Variants in ADAMTS2 observed in about 807,000 individuals in gnomAD.
ADAMTS2 encodes the protein ADAM metallopeptidase with thrombospondin type 1 motif 2, also known as A disintegrin and metalloproteinase with thrombospondin motifs 2.
Under a neutral mutation model 123.0 loss-of-function variants are expected in ADAMTS2, and 50 were observed. The ratio of observed to expected loss-of-function variants is 0.41; its 90% CI spans 0.32 to 0.51. The LOEUF is 0.51. Ranked by LOEUF, ADAMTS2 falls within the 20% of genes least tolerant of loss-of-function variation. ADAMTS2 has a pLI of 0.35. For synonymous variants in ADAMTS2, 678 were observed against 695.4 expected (o/e 0.98, Z 0.39); for missense variants, 1,494 against 1,705.2 (o/e 0.88, Z 2.18).
chr5:179,266,220 G>A (rs1186493801), intron 3 of ADAMTS2, among the ~76,000 whole-genome samples: 1 of 152,202 alleles, frequency 6.6e-6, no homozygotes, highest in Non-Finnish European at 1.5e-5. Flanking sequence ...GCTGAATCAT[G>A]ACCCCCGGAC....
At chr5:179,281,015 A>G (rs957287674) in intron 2 of ADAMTS2, among the ~76,000 whole-genome samples, 1 of 152,076 alleles carries the variant, frequency 6.6e-6, no homozygotes, top group Non-Finnish European at 1.5e-5. Flanking sequence ...ACACCACCAC[A>G]TCCAGCTAAT....
chr5:179,288,136 G>A (rs2113539161), intron 2 of ADAMTS2, among the ~76,000 whole-genome samples: 1 of 152,274 alleles, frequency 6.6e-6, no homozygotes, highest in Non-Finnish European at 1.5e-5. Context: ...GGGTCCCTGG[G>A]CCACAGGCCC....
intron 3 of ADAMTS2, among the ~76,000 whole-genome samples, chr5:179,263,115 G>C: frequency 1.5e-5 from 1 of 65,050 alleles, no homozygotes; most frequent in Admixed American, 1.5e-4. Context: ...CCATGATTTG[G>C]GGAGCAGCAT....
intron 2 of ADAMTS2, among the ~76,000 whole-genome samples, chr5:179,276,094 C>T (rs1329209620): frequency 6.6e-6 from 1 of 152,124 alleles, no homozygotes; most frequent in Non-Finnish European, 1.5e-5. Context: ...GCTTCTGACT[C>T]ATCCCTGGGT....
In ADAMTS2 at chr5:179,234,398, C is replaced by T. The variant is rs1364498279; in HGVS notation, c.689-26683G>A. On this transcript the variant is annotated intron_variant, in intron 3 of 21. Coordinates refer to ENST00000251582, the MANE Select transcript of ADAMTS2 (RefSeq NM_014244.5). This position sits in a 1 kb window ranked among gnomAD's most constrained non-coding sequence, Gnocchi z 4.7. ...GGCCCAGTCCACCGTGCCCTGGACG[C>T]TGCTCATCCACTAGGACTGGGCTTC... 6.6e-6 allele frequency among the ~76,000 whole-genome samples: 1 copy of T among 152,134 alleles called. No individual in the cohort carries two copies. Among genetic ancestry groups the T allele is most frequent in the Non-Finnish European group, 1.5e-5 (1 of 68,016 alleles).
At position 179,260,984 on chromosome 5, in the gene ADAMTS2, G is replaced by A. The variant is rs962896315; in HGVS notation, c.688+11927C>T. The stretch of plus-strand genomic sequence containing the variant: ...TCGGTGAATGGGCATGTCCTTGAAC[G>A]CAAACTTGGCTCCAACGGGGCAGGA... On this transcript the variant is annotated intron_variant, in intron 3 of 21. Transcript: ENST00000251582. This position sits in a 1 kb window ranked among gnomAD's most constrained non-coding sequence, Gnocchi z 4.2. Among the ~76,000 whole-genome samples the A allele has an allele frequency of 2.0e-5, 3 of 152,228 alleles. No individual in the cohort carries two copies. Among genetic ancestry groups the A allele is most frequent in the Middle Eastern group, 3.4e-3 (1 of 294 alleles).
Position 179,279,084 on chromosome 5 carries a change from T to G in ADAMTS2, c.535-6020A>C, listed in dbSNP as rs947005440. Among the ~76,000 whole-genome samples the G allele has an allele frequency of 1.4e-4, 22 of 152,038 alleles. 1 individual carries two copies. The highest frequency in any genetic ancestry group is 3.9e-4 in the Admixed American group (6 of 15,246). On this transcript the variant is annotated intron_variant, in intron 2 of 21. Coordinates refer to ENST00000251582, the MANE Select transcript of ADAMTS2 (RefSeq NM_014244.5). Reference sequence around the variant, plus strand: ...CAGGCTGGCTGGTTCCCACTGCCCCTTCCCATGGAAGCCACAGCTGCAGCC... The same window carrying G: ...CAGGCTGGCTGGTTCCCACTGCCCCGTCCCATGGAAGCCACAGCTGCAGCC...
At chr5:179,319,271 C>T (rs962582659) in intron 2 of ADAMTS2, among the ~76,000 whole-genome samples, 4 of 152,332 alleles carry the variant, frequency 2.6e-5, no homozygotes, top group South Asian at 2.1e-4. Flanking sequence ...ATGTGCACTA[C>T]ACACAAGTAC....
At position 179,188,486 on chromosome 5, in the gene ADAMTS2, C is replaced by T. The variant is rs2113329379; in HGVS notation, c.892-7331G>A. Among the ~76,000 whole-genome samples, 1 of 152,290 alleles carries T rather than the reference C, an allele frequency of 6.6e-6. No individual in the cohort carries two copies. The highest frequency in any genetic ancestry group is 1.9e-4 in the East Asian group (1 of 5,174). On this transcript the variant is annotated intron_variant, in intron 4 of 21. Transcript: ENST00000251582. This position sits in a 1 kb window ranked among gnomAD's most constrained non-coding sequence, Gnocchi z 5.1. ...CTAAACGGGGCTGCCAGAGCCTGGG[C>T]TTATCATGAGAATCAACGTTCCCAT...
Position 179,345,254 on chromosome 5 carries a change from C to A in ADAMTS2, c.75G>T (p.Pro25=), listed in dbSNP as rs965841596. The A allele has an allele frequency of 3.5e-6, 4 of 1,150,082 alleles. No individual in the cohort carries two copies. The highest frequency in any genetic ancestry group is 4.2e-6 in the Non-Finnish European group (4 of 941,852). 71.2% of individuals were successfully genotyped at this position (1,150,082 alleles called of 1,614,324 possible). A position where few individuals can be genotyped will look rare whatever the true frequency, so the allele number is the denominator to read the frequency against. Residue 25 remains proline, a synonymous_variant, in exon 1 of 22, where the codon CCG becomes CCT. Coordinates refer to ENST00000251582, the MANE Select transcript of ADAMTS2 (RefSeq NM_014244.5). The surrounding 1 kb of genome is among the most constrained non-coding windows in gnomAD (Gnocchi z 7.5). ...ALLLLLLLLP[P]PLLPPPPPPA... is the part of the protein sequence containing the mutation. The stretch of plus-strand genomic sequence containing the variant: ...GCGGCGGCGGCGGCGGCAGGAGCGG[C>A]GGCGGCAGCAGCAGCAGCAGCAGCA...
At chr5:179,163,069 G>A (rs936899544) in intron 5 of ADAMTS2, among the ~76,000 whole-genome samples, 6 of 152,212 alleles carry the variant, frequency 3.9e-5, no homozygotes, top group African/African-American at 7.2e-5. Context: ...CAGGAATGAG[G>A]CTAGTGTGTA....
intron 3 of ADAMTS2, among the ~76,000 whole-genome samples, chr5:179,252,085 G>T (rs1422427767): frequency 6.8e-6 from 1 of 147,340 alleles, no homozygotes; most frequent in African/African-American, 2.5e-5. Context: ...TCAGCTCACT[G>T]CAACCTCTAC....
chr5:179,292,713 T>C (rs898040859), intron 2 of ADAMTS2, among the ~76,000 whole-genome samples: 9 of 151,924 alleles, frequency 5.9e-5, no homozygotes, highest in African/African-American at 2.2e-4. Flanking sequence ...TTGCCCAAGG[T>C]GACTCTCTCT....
intron 4 of ADAMTS2, among the ~76,000 whole-genome samples, chr5:179,199,281 C>A (rs1764505324): frequency 6.6e-6 from 1 of 152,212 alleles, no homozygotes; most frequent in Non-Finnish European, 1.5e-5. Context: ...CTCCCCAGGA[C>A]AGGCTTTCAG....
rs59280688 is a variant in ADAMTS2, at chr5:179,144,725, C to T, written c.1630-4690G>A. On this transcript the variant is annotated intron_variant, in intron 10 of 21. Transcript: ENST00000251582. ...AGAATGACGTTGGACATCTTCCTCA[C>T]ACTTACACAAAAATTAACTCAAAAA... is the stretch of plus-strand genomic sequence containing the variant. Among the ~76,000 whole-genome samples the T allele has an allele frequency of 9.7e-3, 1,476 of 152,344 alleles. 28 individuals are homozygous for T. Among genetic ancestry groups the T allele is most frequent in the African/African-American group, 0.033 (1,361 of 41,578 alleles).
intron 12 of ADAMTS2, among the ~76,000 whole-genome samples, chr5:179,137,049 A>G (rs550939946): frequency 6.6e-6 from 1 of 152,202 alleles, no homozygotes; most frequent in East Asian, 1.9e-4. Context: ...ATTCAGACTC[A>G]GGTCCCTGGA....
Position 179,260,872 on chromosome 5 carries a change from G to A in ADAMTS2, c.688+12039C>T, listed in dbSNP as rs1766201300. Among the ~76,000 whole-genome samples, 1 of 152,114 alleles carries A rather than the reference G, an allele frequency of 6.6e-6. No homozygotes were observed. On this transcript the variant is annotated intron_variant, in intron 3 of 21. Coordinates refer to ENST00000251582, the MANE Select transcript of ADAMTS2 (RefSeq NM_014244.5). This position sits in a 1 kb window ranked among gnomAD's most constrained non-coding sequence, Gnocchi z 4.2. ...TCCCGCTACTGCTTGGACAGTGGTA[G>A]CCCTGCACCTTAGTTTTCTCTCTGC...
chr5:179,345,124 G>T lies in ADAMTS2; in HGVS notation c.139+66C>A. On this transcript the variant is annotated intron_variant, in intron 1 of 21. Coordinates refer to ENST00000251582, the MANE Select transcript of ADAMTS2 (RefSeq NM_014244.5). This position sits in a 1 kb window ranked among gnomAD's most constrained non-coding sequence, Gnocchi z 7.5. ...CTGGACGACGCCTGGGGAGGGGGCG[G>T]CGGGGCACGCGGGACAGGGCCAGGC... 1 of 1,042,076 alleles carries T rather than the reference G, an allele frequency of 9.6e-7. No homozygotes were observed. Among genetic ancestry groups the T allele is most frequent in the Non-Finnish European group, 1.2e-6 (1 of 861,538 alleles). The allele number at this position is 1,042,076 out of a possible 1,614,324, so 64.6% of individuals were successfully genotyped here. A position where few individuals can be genotyped will look rare whatever the true frequency, so the allele number is the denominator to read the frequency against.
intron 3 of ADAMTS2, among the ~76,000 whole-genome samples, chr5:179,235,627 G>A (rs907734868): frequency 4.6e-5 from 7 of 152,234 alleles, no homozygotes; most frequent in South Asian, 2.1e-4. Flanking sequence ...CAGGGCCAAC[G>A]AAAGTGCTGG....
Sources: allele counts gnomAD v4.1 joint callset (sites outside exome capture counted in the v4.1 genomes callset), GRCh38; gene constraint gnomAD v4.1.1; non-coding constraint Gnocchi (gnomAD v3.1); transcripts MANE v1.5; gene names NCBI Gene and HGNC (gene_info 2026-07-23, HGNC 2026-07-21).